The following NFATC2IP variants were observed in gnomAD, a reference collection of about 807,000 sequenced individuals.
NFATC2IP encodes the protein nuclear factor of activated T cells 2 interacting protein, also known as NFATC2-interacting protein.
In NFATC2IP, 25 loss-of-function variants were observed where a neutral mutation model predicts 40.2. That is an observed-to-expected ratio of 0.62 (90% CI 0.45 to 0.87). NFATC2IP has a LOEUF of 0.87. Ranked by LOEUF, NFATC2IP falls within the 40% of genes least tolerant of loss-of-function variation. NFATC2IP has a pLI of 0.00. For missense variants in NFATC2IP, 553 were observed against 555.6 expected, an observed-to-expected ratio of 1.00 and a Z score of 0.05; for synonymous variants, 241 against 236.3, an observed-to-expected ratio of 1.02 and a Z score of -0.18.
intron 1 of NFATC2IP, 128 bp from the exon 2 acceptor site, chr16:28,952,004 A>T: frequency 1.6e-6 from 2 of 1,219,024 alleles, no homozygotes; most frequent in Non-Finnish European, 2.3e-6. Flanking sequence ...TTGCCAGGAG[A>T]GGGCCAAGGT....
intron 2 of NFATC2IP, 142 bp downstream of exon 2, chr16:28,952,346 G>A (rs1041133131): frequency 3.1e-6 from 4 of 1,293,478 alleles, no homozygotes; most frequent in African/African-American, 3.0e-5. Flanking sequence ...CCCAGCCACA[G>A]GAGCTGGATT....
chr16:28,963,365 T>C (rs1335579333), intron 7 of NFATC2IP, among the ~76,000 whole-genome samples: 7 of 152,156 alleles, frequency 4.6e-5, no homozygotes, highest in African/African-American at 1.4e-4. Flanking sequence ...ATCTGGGCTC[T>C]CTTAGTCATT....
Position 28,951,186 on chromosome 16 carries a change from C to G in NFATC2IP, c.175C>G (p.Leu59Val). The G allele has an allele frequency of 6.5e-7, 1 of 1,541,240 alleles. No individual in the cohort carries two copies. The change falls in exon 1 of 8, where the codon CTG becomes GTG. Residue 59 changes from leucine to valine, a missense_variant. Coordinates refer to ENST00000320805, the MANE Select transcript of NFATC2IP (RefSeq NM_032815.4). Reference protein sequence around the residue: ...DLVTDSDEEILEVATARGAAD... With the variant: ...DLVTDSDEEIVEVATARGAAD... ...GGTCACCGACAGCGATGAGGAAATTCTGGAGGTCGCCACCGCTCGCGGTGC... is the reference window on the plus strand; with the variant it reads ...GGTCACCGACAGCGATGAGGAAATTGTGGAGGTCGCCACCGCTCGCGGTGC...
Position 28,951,275 on chromosome 16 carries a change from C to T in NFATC2IP, c.264C>T (p.Ser88=). 1 of 1,466,098 alleles carries T rather than the reference C, an allele frequency of 6.8e-7. No individual in the cohort carries two copies. Among genetic ancestry groups the T allele is most frequent in the African/African-American group, 1.5e-5 (1 of 68,434 alleles). 90.8% of individuals were successfully genotyped at this position (1,466,098 alleles called of 1,614,324 possible). The change falls in exon 1 of 8, where the codon AGC becomes AGT. Residue 88 remains serine, a synonymous_variant. Transcript: ENST00000320805. The stretch of plus-strand genomic sequence containing the variant: ...GGCCGGTCGCGTCCCGGGATAACAG[C>T]AACAGTGACAGCGAAGGGGAGGACA... ...PPGPVASRDN[S]NSDSEGEDRR...
intron 3 of NFATC2IP, among the ~76,000 whole-genome samples, chr16:28,955,215 G>A (rs945610254): frequency 2.0e-5 from 3 of 151,974 alleles, no homozygotes; most frequent in African/African-American, 7.3e-5. Flanking sequence ...CAAACAGACA[G>A]ACAAAAAATA....
rs1463612422 is a variant in NFATC2IP at position 28,961,547 on chromosome 16, C to T, written c.1102-2158C>T. On this transcript the variant is annotated intron_variant, in intron 7 of 7. Coordinates refer to ENST00000320805, the MANE Select transcript of NFATC2IP (RefSeq NM_032815.4). ...CAAGGTGTTAGCAGAGCAAGTGTCT[C>T]TGAAGATATGGGGGAAGAAAACAAA... Among the ~76,000 whole-genome samples, 4 of 151,858 alleles carry T rather than the reference C, an allele frequency of 2.6e-5. No individual in the cohort carries two copies. The East Asian group carries it at 7.8e-4, about 29-fold the overall frequency.
At position 28,958,827 on chromosome 16, in the gene NFATC2IP, C is replaced by T. The variant is rs1177272034; in HGVS notation, c.957C>T (p.Pro319=). ...GETELSPTAT[P]RTLKLGVADI... is the part of the protein sequence containing the mutation. ...CAGAGCTATCACCTACTGCCACTCCCAGGACCCTAAAGCTCGGAGTGGCTG... is the reference window on the plus strand; with the variant it reads ...CAGAGCTATCACCTACTGCCACTCCTAGGACCCTAAAGCTCGGAGTGGCTG... Residue 319 remains proline, a synonymous_variant, in exon 6 of 8, where the codon CCC becomes CCT. Transcript: ENST00000320805. The T allele has an allele frequency of 6.2e-7, 1 of 1,614,118 alleles. No individual in the cohort carries two copies. The highest frequency in any genetic ancestry group is 8.5e-7 in the Non-Finnish European group (1 of 1,180,014).
rs906684323 is a variant in NFATC2IP at position 28,956,573 on chromosome 16, C to G, written c.846+236C>G. 2.8e-5 allele frequency: 15 copies of G among 534,238 alleles called. 1 individual carries two copies. In the Middle Eastern group the frequency reaches 2.9e-3, roughly 105 times the overall value. 33.1% of individuals were successfully genotyped at this position (534,238 alleles called of 1,614,324 possible). A position where few individuals can be genotyped will look rare whatever the true frequency, so the allele number is the denominator to read the frequency against. ...ACTTTCTACCCATTCTTCAAGGCTC[C>G]TCATAAGCATCCTGTGTCTTTTTTT... On this transcript the variant is annotated intron_variant, in intron 5 of 7. Transcript: ENST00000320805.
intron 3 of NFATC2IP, among the ~76,000 whole-genome samples, chr16:28,955,204 A>T (rs949273339): frequency 1.1e-4 from 16 of 147,198 alleles, no homozygotes; most frequent in African/African-American, 4.1e-4. Flanking sequence ...TAAAAAGCAA[A>T]CAAACAGACA....
chr16:28,951,341 G>T lies in NFATC2IP; in HGVS notation c.330G>T (p.Arg110=). The T allele has an allele frequency of 7.0e-7, 1 of 1,418,670 alleles. No individual in the cohort carries two copies. Among genetic ancestry groups the T allele is most frequent in the Non-Finnish European group, 9.2e-7 (1 of 1,086,936 alleles). 87.9% of individuals were successfully genotyped at this position (1,418,670 alleles called of 1,614,324 possible). ...AGPPREPVRR[R]RRLVLDPGEA... ...CCCCGCGGGAGCCGGTCAGGCGGCG[G>T]CGGCGGCTGGTGCTGGATCCGGGGG... Residue 110 remains arginine (R), a synonymous_variant, in exon 1 of 8, where the codon CGG becomes CGT. Coordinates refer to ENST00000320805, the MANE Select transcript of NFATC2IP (RefSeq NM_032815.4).
In NFATC2IP at chr16:28,965,165, G is replaced by A. The variant is rs1234980666; in HGVS notation, c.*1302G>A. On this transcript the variant is annotated 3_prime_UTR_variant, in exon 8 of 8. Coordinates refer to ENST00000320805, the MANE Select transcript of NFATC2IP (RefSeq NM_032815.4). ...ACATTCATCTGATCAGCATTAATTT[G>A]GGGAATTTTTTCACTTAGCCTTTCT... 1 of 152,262 alleles carries A rather than the reference G, an allele frequency of 6.6e-6. No individual in the cohort carries two copies. The highest frequency in any genetic ancestry group is 2.4e-5 in the African/African-American group (1 of 41,550). 9.4% of individuals were successfully genotyped at this position (152,262 alleles called of 1,614,324 possible).
intron 3 of NFATC2IP, among the ~76,000 whole-genome samples, 190 bp from the exon 4 acceptor site, chr16:28,955,788 C>T (rs1965013662): frequency 6.6e-6 from 1 of 152,008 alleles, no homozygotes; most frequent in Non-Finnish European, 1.5e-5. Context: ...AGGGTCTCCC[C>T]ATCTTGCCCA....
chr16:28,955,933 A>G, intron 3 of NFATC2IP, 45 bp from the exon 4 acceptor site: 3 of 1,413,706 alleles, frequency 2.1e-6, no homozygotes, highest in East Asian at 4.6e-5. Flanking sequence ...TTGTGGGGCC[A>G]GTCTCTCTCC....
chr16:28,959,607 G>T (rs1272887411), intron 7 of NFATC2IP, among the ~76,000 whole-genome samples: 4 of 127,140 alleles, frequency 3.1e-5, no homozygotes, highest in Non-Finnish European at 6.3e-5. Context: ...ATAGAGTCTC[G>T]CCCTGTCGCC....
rs1254623125 is a variant in NFATC2IP at position 28,956,352 on chromosome 16, C to T, written c.846+15C>T. On this transcript the variant is annotated intron_variant, in intron 5 of 7. Coordinates refer to ENST00000320805, the MANE Select transcript of NFATC2IP (RefSeq NM_032815.4). The stretch of plus-strand genomic sequence containing the variant: ...CCCTCAGGATGGTGAGTGCCTGAGG[C>T]CCATGGGAGAAGGACCCAGGAGCTG... The T allele has an allele frequency of 3.1e-6, 5 of 1,604,910 alleles. No homozygotes were observed. The highest frequency in any genetic ancestry group is 1.7e-5 in the Admixed American group (1 of 59,680).
chr16:28,958,811 C>T lies in NFATC2IP; in HGVS notation c.941C>T (p.Ser314Leu), dbSNP rs1965051612. 4 of 1,613,968 alleles carry T rather than the reference C, an allele frequency of 2.5e-6. No homozygotes were observed. The highest frequency in any genetic ancestry group is 2.5e-6 in the Non-Finnish European group (3 of 1,179,994). ...ILLLFGETEL[S>L]PTATPRTLKL... Reference sequence around the variant, plus strand: ...TTGCTTTTTGGAGAGACAGAGCTATCACCTACTGCCACTCCCAGGACCCTA... The same window carrying T: ...TTGCTTTTTGGAGAGACAGAGCTATTACCTACTGCCACTCCCAGGACCCTA... Residue 314 changes from serine (S) to leucine (L), a missense_variant, in exon 6 of 8, where the codon TCA (serine) becomes TTA (leucine). By Grantham distance (145) the Ser-to-Leu change is moderately radical (BLOSUM62 -2). Coordinates refer to ENST00000320805, the MANE Select transcript of NFATC2IP (RefSeq NM_032815.4).
chr16:28,955,340 G>A (rs552575217), intron 3 of NFATC2IP, among the ~76,000 whole-genome samples: 2 of 152,272 alleles, frequency 1.3e-5, no homozygotes, highest in South Asian at 2.1e-4. Context: ...ACTTTGGGAC[G>A]CCAAGGGGAG....
At chr16:28,958,247 C>T (rs1265152830) in intron 5 of NFATC2IP, 1 of 152,546 alleles carries the variant, frequency 6.6e-6, no homozygotes, top group Non-Finnish European at 1.5e-5. Flanking sequence ...TTCAAGAGTT[C>T]AAGACCAGCC....
Position 28,956,322 on chromosome 16 carries a change from A to G in NFATC2IP, c.831A>G (p.Arg277=). 2 of 1,613,808 alleles carry G rather than the reference A, an allele frequency of 1.2e-6. No homozygotes were observed. Among genetic ancestry groups the G allele is most frequent in the Non-Finnish European group, 8.5e-7 (1 of 1,179,840 alleles). ...TCCGTTGCCGGGCTGACCTGGTCAG[A>G]TTGCCCCTCAGGATGGTGAGTGCCT... is the stretch of plus-strand genomic sequence containing the variant. ...LKIRCRADLV[R]LPLRMSEPLQ... Residue 277 remains arginine, a synonymous_variant, in exon 5 of 8, where the codon AGA becomes AGG. Coordinates refer to ENST00000320805, the MANE Select transcript of NFATC2IP (RefSeq NM_032815.4).
Sources: gnomAD v4.1 joint callset for allele counts (sites outside exome capture counted in the v4.1 genomes callset) on GRCh38, gnomAD v4.1.1 for gene constraint, MANE v1.5 for transcripts, NCBI Gene and HGNC (gene_info 2026-07-23, HGNC 2026-07-21) for gene names.